CPPED1: variants seen among roughly 807,000 people sequenced by gnomAD.
The protein encoded by CPPED1 is calcineurin like phosphoesterase domain containing 1.
In CPPED1, 28 loss-of-function variants were observed where a neutral mutation model predicts 28.0. The observed-to-expected ratio is 1.00, with a 90% CI of 0.74 to 1.37. The LOEUF (loss-of-function observed/expected upper bound fraction) is 1.37, where lower values mean the gene tolerates loss of function less well. Ranked by LOEUF, CPPED1 falls within the 40% of genes most tolerant of loss-of-function variation. The pLI, the probability that CPPED1 is intolerant of heterozygous loss-of-function variation, is 0.00. For synonymous variants in CPPED1, 198 were observed against 180.2 expected (o/e 1.10, Z -0.79); for missense variants, 504 against 416.5 (o/e 1.21, Z -1.83).
chr16:12,705,042 C>A lies in CPPED1; in HGVS notation c.297G>T (p.Pro99=), dbSNP rs371523609. ...GDLIHAMPGK[P]WRTEQTEDLK... is the part of the protein sequence containing the mutation. The stretch of plus-strand genomic sequence containing the variant: ...GGTCCTCCGTCTGCTCCGTCCGCCA[C>A]GGCTTCCCTGGAAGAGTGAGGGTCA... The change falls in exon 3 of 4, where the codon CCG becomes CCT. Residue 99 remains proline, a synonymous_variant. Transcript: ENST00000381774. 1 of 1,606,242 alleles carries A rather than the reference C, an allele frequency of 6.2e-7. No homozygotes were observed. The highest frequency in any genetic ancestry group is 1.1e-5 in the South Asian group (1 of 90,580).
intron 3 of CPPED1, among the ~76,000 whole-genome samples, chr16:12,696,022 C>A (rs754204756): frequency 3.3e-5 from 5 of 152,174 alleles, no homozygotes; most frequent in African/African-American, 4.8e-5. Flanking sequence ...ACCAGTACCC[C>A]CTTTTGTTAA....
At chr16:12,730,391 C>T (rs2080191248) in intron 2 of CPPED1, among the ~76,000 whole-genome samples, 1 of 152,158 alleles carries the variant, frequency 6.6e-6, no homozygotes, top group Admixed American at 6.5e-5. Flanking sequence ...GCAGTATTTG[C>T]CAAAGACAAA....
chr16:12,786,897 G>A (rs577098635), intron 1 of CPPED1, among the ~76,000 whole-genome samples: 18 of 152,212 alleles, frequency 1.2e-4, no homozygotes, highest in Admixed American at 2.0e-4. Flanking sequence ...GGGTGACAGA[G>A]AGAGACTCCA....
intron 2 of CPPED1, among the ~76,000 whole-genome samples, chr16:12,743,946 C>A (rs2141212524): frequency 6.6e-6 from 1 of 151,928 alleles, no homozygotes; most frequent in East Asian, 1.9e-4. Flanking sequence ...CAGAGCAAGA[C>A]CCTGTCTCAA....
At chr16:12,695,503 T>C (rs913237701) in intron 3 of CPPED1, among the ~76,000 whole-genome samples, 4 of 152,176 alleles carry the variant, frequency 2.6e-5, no homozygotes, top group African/African-American at 4.8e-5. Context: ...ACTCTTAGGA[T>C]CAAGCGATCC....
intron 3 of CPPED1, among the ~76,000 whole-genome samples, chr16:12,675,178 G>T (rs2079871811): frequency 1.3e-5 from 2 of 152,212 alleles, no homozygotes; most frequent in Non-Finnish European, 2.9e-5. Context: ...CCCTGACGGG[G>T]TATTGATTTT....
intron 2 of CPPED1, 66 bp from the exon 3 acceptor site, chr16:12,705,115 GTACT>G: frequency 1.4e-6 from 2 of 1,449,314 alleles, no homozygotes; most frequent in Non-Finnish European, 1.9e-6. Context: ...ACTAACTTAA[GTACT>G]TACTAACATA....
chr16:12,789,686 T>C (rs7201202), intron 1 of CPPED1, among the ~76,000 whole-genome samples: 49,292 of 151,786 alleles, frequency 0.32, 11,164 homozygotes, highest in African/African-American at 0.64. Flanking sequence ...ACACCATGCC[T>C]GGTTAATTTT....
chr16:12,764,118 A>T (rs983681159), intron 2 of CPPED1, among the ~76,000 whole-genome samples: 1 of 151,926 alleles, frequency 6.6e-6, no homozygotes, highest in African/African-American at 2.4e-5. Context: ...AAAAGCATTA[A>T]CTGTAGCTTT....
At chr16:12,665,489 T>C (rs560630887) in intron 3 of CPPED1, among the ~76,000 whole-genome samples, 2 of 152,254 alleles carry the variant, frequency 1.3e-5, no homozygotes, top group South Asian at 2.1e-4. Flanking sequence ...AAAAGTTATG[T>C]ATTTTAAAAA....
At chr16:12,789,199 T>C (rs1490759990) in intron 1 of CPPED1, among the ~76,000 whole-genome samples, 1 of 152,024 alleles carries the variant, frequency 6.6e-6, no homozygotes. Flanking sequence ...CACATGGGGT[T>C]TGTGCTCTCA....
chr16:12,689,214 G>C (rs1455883364), intron 3 of CPPED1, among the ~76,000 whole-genome samples: 2 of 141,304 alleles, frequency 1.4e-5, no homozygotes, highest in African/African-American at 5.7e-5. Flanking sequence ...TATGAAAAGA[G>C]GGCTTTTTTT....
chr16:12,763,690 CAA>C (rs932162353), intron 2 of CPPED1, among the ~76,000 whole-genome samples: 1 of 152,154 alleles, frequency 6.6e-6, no homozygotes, highest in African/African-American at 2.4e-5. Context: ...GGCCAGGAAA[CAA>C]GAGAGCCAGG....
rs1364502487 is a variant in CPPED1, at chr16:12,659,996, A to G, written c.*4890T>C. On this transcript the variant is annotated 3_prime_UTR_variant, in exon 4 of 4. Coordinates refer to ENST00000381774, the MANE Select transcript of CPPED1 (RefSeq NM_018340.3). ...CTATCACAAGAATAGCATGGGAGAA[A>G]CTGCCTCCATGATCCAATTACCTCC... 2 of 152,202 alleles carry G rather than the reference A, an allele frequency of 1.3e-5. No homozygotes were observed. Among genetic ancestry groups the G allele is most frequent in the Non-Finnish European group, 2.9e-5 (2 of 68,048 alleles). 9.4% of individuals were successfully genotyped at this position (152,202 alleles called of 1,614,324 possible).
intron 2 of CPPED1, among the ~76,000 whole-genome samples, chr16:12,776,810 T>A (rs1178333602): frequency 6.6e-6 from 1 of 152,044 alleles, no homozygotes; most frequent in African/African-American, 2.4e-5. Flanking sequence ...TCCCAGCTAC[T>A]CAGGAAGCTG....
rs1396839680 is a variant in CPPED1 at position 12,670,969 on chromosome 16, G to A, written c.716-5854C>T. Reference sequence around the variant, plus strand: ...GGGTTCAAGTGATTCTCCTGCCTCAGCCTCCTGAGTAGCTGGGATTACAGG... The same window carrying A: ...GGGTTCAAGTGATTCTCCTGCCTCAACCTCCTGAGTAGCTGGGATTACAGG... On this transcript the variant is annotated intron_variant, in intron 3 of 3. Coordinates refer to ENST00000381774, the MANE Select transcript of CPPED1 (RefSeq NM_018340.3). The surrounding 1 kb of genome is among the most constrained non-coding windows in gnomAD (Gnocchi z 4.2). Among the ~76,000 whole-genome samples, 1 of 152,064 alleles carries A rather than the reference G, an allele frequency of 6.6e-6. No homozygotes were observed. The highest frequency in any genetic ancestry group is 1.5e-5 in the Non-Finnish European group (1 of 68,026).
chr16:12,704,818 C>T lies in CPPED1; in HGVS notation c.521G>A (p.Cys174Tyr), dbSNP rs376749320. The change falls in exon 3 of 4, where the codon TGC becomes TAC. Residue 174 changes from cysteine (C) to tyrosine (Y), a missense_variant. By Grantham distance (194) the Cys-to-Tyr change is radical (BLOSUM62 -2). Transcript: ENST00000381774. The part of the protein sequence containing the change: ...NSQFYENPSK[C>Y]PSLKQAQDQW... ...GTCCTGAGCCTGCTTCAGGCTGGGGCATTTGGAGGGGTTCTCGTAGAACTG... is the reference window on the plus strand; with the variant it reads ...GTCCTGAGCCTGCTTCAGGCTGGGGTATTTGGAGGGGTTCTCGTAGAACTG... 170 of 1,614,074 alleles carry T rather than the reference C, an allele frequency of 1.1e-4. No homozygotes were observed. The highest frequency in any genetic ancestry group is 1.5e-4 in the Admixed American group (9 of 60,000).
chr16:12,803,718 G>T lies in CPPED1; in HGVS notation c.59C>A (p.Ala20Glu). The change falls in exon 1 of 4, where the codon GCG (alanine) becomes GAG (glutamate). Residue 20 changes from alanine (A) to glutamate (E), a missense_variant. Coordinates refer to ENST00000381774, the MANE Select transcript of CPPED1 (RefSeq NM_018340.3). ...GGGGCGGGCAGTACCTGCGGGAAAC[G>T]CGGCCAGGGTCCTGCCCCTGGCTCT... ...FHRARGRTLAAFPAEKESEWK... is the reference protein window; with the variant it reads ...FHRARGRTLAEFPAEKESEWK... 2 of 1,580,114 alleles carry T rather than the reference G, an allele frequency of 1.3e-6. No homozygotes were observed. The highest frequency in any genetic ancestry group is 8.6e-7 in the Non-Finnish European group (1 of 1,165,200).
At chr16:12,751,436 T>C (rs903583433) in intron 2 of CPPED1, among the ~76,000 whole-genome samples, 3 of 152,242 alleles carry the variant, frequency 2.0e-5, no homozygotes, top group African/African-American at 7.2e-5. Context: ...TTCTGGTCTC[T>C]AGAGTAAAAG....
Sources: allele counts gnomAD v4.1 joint callset (sites outside exome capture counted in the v4.1 genomes callset), GRCh38; gene constraint gnomAD v4.1.1; non-coding constraint Gnocchi (gnomAD v3.1); transcripts MANE v1.5; gene names NCBI Gene and HGNC (gene_info 2026-07-23, HGNC 2026-07-21).